OR2V1: variants seen among roughly 807,000 people sequenced by gnomAD.
The protein encoded by OR2V1 is olfactory receptor family 2 subfamily V member 1.
A neutral mutation model predicts 15.0 loss-of-function variants in OR2V1; 18 were observed. That is an observed-to-expected ratio of 1.20 (90% CI 0.83 to 1.78). The LOEUF (loss-of-function observed/expected upper bound fraction) is 1.78. Ranked by LOEUF, OR2V1 falls within the 40% of genes most tolerant of loss-of-function variation. OR2V1 has a pLI of 0.00. For synonymous variants in OR2V1, 144 were observed against 146.1 expected, an observed-to-expected ratio of 0.99 and a Z score of 0.10; for missense variants, 359 against 392.9, an observed-to-expected ratio of 0.91 and a Z score of 0.73.
rs528083565 is a variant in OR2V1, at chr5:181,124,382, C to T, written c.923G>A (p.Arg308His). 46 of 1,589,636 alleles carry T rather than the reference C, an allele frequency of 2.9e-5. No homozygotes were observed. The highest frequency in any genetic ancestry group is 7.9e-5 in the South Asian group (7 of 88,094). The change falls in exon 4 of 4, where the codon CGC becomes CAC. Residue 308 changes from arginine (R) to histidine (H), a missense_variant. Arg to His is a conservative substitution (Grantham distance 29). Transcript: ENST00000641551. The part of the protein sequence containing the change: ...VMGALRKGLD[R>H]CRIGSQH ...TCAGTGCTGGCTGCCAATCCTGCAG[C>T]GGTCCAGCCCCTTCCTCAGTGCCCC...
rs373972601 is a variant in OR2V1, at chr5:181,124,043, A to G, written c.*314T>C. 7.7e-6 allele frequency: 2 copies of G among 260,326 alleles called. No individual in the cohort carries two copies. The highest frequency in any genetic ancestry group is 2.2e-5 in the African/African-American group (1 of 45,538). The allele number at this position is 260,326 out of a possible 1,614,324, so 16.1% of individuals were successfully genotyped here. ...AAATAAAATAAAGAAAATAAAAAATAGAGTAAATTTAGTCCAAGGATGTCA... is the reference window on the plus strand; with the variant it reads ...AAATAAAATAAAGAAAATAAAAAATGGAGTAAATTTAGTCCAAGGATGTCA... On this transcript the variant is annotated 3_prime_UTR_variant, in exon 4 of 4. Transcript: ENST00000641551.
chr5:181,125,429 G>A (rs1441064739), intron 3 of OR2V1, 104 bp from the exon 4 acceptor site: 61 of 813,514 alleles, frequency 7.5e-5, no homozygotes, highest in South Asian at 1.8e-5. Context: ...GAGGACACTC[G>A]TATTCCTGTG....
Position 181,124,561 on chromosome 5 carries a change from A to G in OR2V1, c.744T>C (p.Ala248=), listed in dbSNP as rs1490503477. The change falls in exon 4 of 4, where the codon GCT becomes GCC. Residue 248 remains alanine, a synonymous_variant. Transcript: ENST00000641551. The part of the protein sequence containing the change: ...ALATCSSHLT[A]VTLFYGAAMF... ...TGGCTGCCCCATAGAAGAGGGTGAC[A>G]GCTGTTAGGTGGGAGGAGCAGGTGG... 6.2e-7 allele frequency: 1 copy of G among 1,613,286 alleles called. No homozygotes were observed. Among genetic ancestry groups the G allele is most frequent in the Admixed American group, 1.7e-5 (1 of 59,982 alleles).
intron 3 of OR2V1, among the ~76,000 whole-genome samples, chr5:181,126,417 A>AC (rs1206675323): frequency 8.8e-6 from 1 of 113,718 alleles, no homozygotes; most frequent in African/African-American, 3.2e-5. Flanking sequence ...CCTACATCAC[A>AC]CACCACACAC....
chr5:181,127,674 T>C (rs1017547195), intron 3 of OR2V1, among the ~76,000 whole-genome samples: 1 of 151,996 alleles, frequency 6.6e-6, no homozygotes, highest in Non-Finnish European at 1.5e-5. Flanking sequence ...AGGAGGGAGT[T>C]CCCGGGGTCC....
intron 1 of OR2V1, among the ~76,000 whole-genome samples, chr5:181,130,739 C>T (rs575103554): frequency 1.3e-5 from 2 of 152,282 alleles, no homozygotes; most frequent in South Asian, 2.1e-4. Context: ...GTGGGGACAG[C>T]GTGAGGAAAC....
chr5:181,125,939 T>G (rs1053585878), intron 3 of OR2V1, among the ~76,000 whole-genome samples: 7 of 152,078 alleles, frequency 4.6e-5, no homozygotes, highest in Non-Finnish European at 7.4e-5. Context: ...GAGCCGAGAT[T>G]GTGCCATTGC....
In OR2V1 at chr5:181,124,632, C is replaced by A. The variant is rs771188953; in HGVS notation, c.673G>T (p.Ala225Ser). 70 of 1,613,544 alleles carry A rather than the reference C, an allele frequency of 4.3e-5. No homozygotes were observed. Among genetic ancestry groups the A allele is most frequent in the Non-Finnish European group, 5.8e-5 (69 of 1,179,942 alleles). Residue 225 changes from alanine to serine, a missense_variant, in exon 4 of 4, where the codon GCT becomes TCT. By Grantham distance (99) the Ala-to-Ser change is moderately conservative (BLOSUM62 1). Transcript: ENST00000641551. ...IMASYACILG[A>S]VLRIRSAQAW... ...TGAGCAGAGCGTATTCGGAGCACAG[C>A]CCCTAGGATGCAAGCATAGGAGGCC...
Position 181,129,350 on chromosome 5 carries a change from G to A in OR2V1, c.-22+170C>T, listed in dbSNP as rs147492675. Among the ~76,000 whole-genome samples, 31 of 152,214 alleles carry A rather than the reference G, an allele frequency of 2.0e-4. No homozygotes were observed. The East Asian group carries it at 3.1e-3, about 15-fold the overall frequency. On this transcript the variant is annotated intron_variant, in intron 3 of 3. Coordinates refer to ENST00000641551, the MANE Select transcript of OR2V1 (RefSeq NM_001258283.2). ...GGAATTTGAGGCTGCAGTGAGCTAC[G>A]ATCACACCACTGCACTCCAGCCTGA...
rs1340692492 is a variant in OR2V1, at chr5:181,125,109, G to A, written c.196C>T (p.Gln66Ter). The change falls in exon 4 of 4, where the codon CAG becomes TAG. Residue 66 changes from glutamine to a stop codon, truncating the protein, a stop_gained. Coordinates refer to ENST00000641551, the MANE Select transcript of OR2V1 (RefSeq NM_001258283.2). LOFTEE classifies it high-confidence loss of function. ...AACATGAGGTCCATGAGGGAGAGCT[G>A]GCTGAGGAAGAAGTACATGGGGGTG... The part of the protein sequence containing the change: ...LHTPMYFFLS[Q>*]LSLMDLMLVC... The A allele has an allele frequency of 3.7e-6, 6 of 1,614,210 alleles. No individual in the cohort carries two copies. The East Asian group carries it at 1.3e-4, about 36-fold the overall frequency.
chr5:181,129,102 C>T lies in OR2V1; in HGVS notation c.-22+418G>A, dbSNP rs190932467. On this transcript the variant is annotated intron_variant, in intron 3 of 3. Transcript: ENST00000641551. ...GAAAATTAGCCAGGCTATTGTGGCA[C>T]ACATCTGTAGTCCCAGCTACTCAGG... Among the ~76,000 whole-genome samples, 200 of 152,200 alleles carry T rather than the reference C, an allele frequency of 1.3e-3. 1 individual carries two copies. Among genetic ancestry groups the T allele is most frequent in the African/African-American group, 4.2e-3 (176 of 41,532 alleles).
At chr5:181,128,523 C>T (rs760778119) in intron 3 of OR2V1, among the ~76,000 whole-genome samples, 16 of 152,214 alleles carry the variant, frequency 1.1e-4, no homozygotes, top group South Asian at 4.1e-4. Context: ...TCCACTCTCC[C>T]GGGATTCCCT....
rs1244207627 is a variant in OR2V1, at chr5:181,130,197, A to G, written c.-102T>C. 2.5e-6 allele frequency: 1 copy of G among 398,778 alleles called. No homozygotes were observed. Among genetic ancestry groups the G allele is most frequent in the Non-Finnish European group, 4.4e-6 (1 of 226,150 alleles). 24.7% of individuals were successfully genotyped at this position (398,778 alleles called of 1,614,324 possible). On this transcript the variant is annotated 5_prime_UTR_variant, in exon 2 of 4. Coordinates refer to ENST00000641551, the MANE Select transcript of OR2V1 (RefSeq NM_001258283.2). The stretch of plus-strand genomic sequence containing the variant: ...CCTGTGGGTGGGTCCCTGCAGGGGA[A>G]CAAACTCAGCAGAGTCACCTGTGGA...
chr5:181,130,235 G>A lies in OR2V1; in HGVS notation c.-120-20C>T, dbSNP rs113928945. On this transcript the variant is annotated intron_variant, in intron 1 of 3. Coordinates refer to ENST00000641551, the MANE Select transcript of OR2V1 (RefSeq NM_001258283.2). ...AGTCACCTGTGGAGGAGTTCCTAGC[G>A]TCAGAGCCATGCACTCATCCTCCTG... is the stretch of plus-strand genomic sequence containing the variant. 0.1 allele frequency: 39,981 copies of A among 397,828 alleles called. 1,951 individuals are homozygous for A. Among genetic ancestry groups the A allele is most frequent in the African/African-American group, 0.3 (14,394 of 47,974 alleles). 24.6% of individuals were successfully genotyped at this position (397,828 alleles called of 1,614,324 possible).
At chr5:181,127,152 A>G (rs1762885429) in intron 3 of OR2V1, among the ~76,000 whole-genome samples, 1 of 152,222 alleles carries the variant, frequency 6.6e-6, no homozygotes, top group African/African-American at 2.4e-5. Flanking sequence ...CCCGTCTGTG[A>G]GATCCACCAG....
At chr5:181,127,591 C>G (rs991920865) in intron 3 of OR2V1, among the ~76,000 whole-genome samples, 3 of 152,086 alleles carry the variant, frequency 2.0e-5, no homozygotes, top group African/African-American at 7.2e-5. Context: ...ATGGGCCTGC[C>G]CAGGCCCAGG....
At chr5:181,125,367 C>G in intron 3 of OR2V1, 42 bp from the exon 4 acceptor site, 2 of 1,442,892 alleles carry the variant, frequency 1.4e-6, no homozygotes, top group South Asian at 1.3e-5. Context: ...TGACATGTCT[C>G]TATTGTGCTC....
At position 181,123,255 on chromosome 5, in the gene OR2V1, A is replaced by C. The variant is rs1490944411; in HGVS notation, c.*1102T>G. 2.6e-5 allele frequency: 4 copies of C among 152,248 alleles called. No homozygotes were observed. The highest frequency in any genetic ancestry group is 9.7e-5 in the African/African-American group (4 of 41,444). The allele number at this position is 152,248 out of a possible 1,614,324, so 9.4% of individuals were successfully genotyped here. A position where few individuals can be genotyped will look rare whatever the true frequency, so the allele number is the denominator to read the frequency against. On this transcript the variant is annotated 3_prime_UTR_variant, in exon 4 of 4. Transcript: ENST00000641551. ...ATACACTGTGAACCCCCAACCTTTG[A>C]GACAGATATCAGTTAATTTAGAAAG...
Position 181,123,245 on chromosome 5 carries a change from C to G in OR2V1, c.*1112G>C, listed in dbSNP as rs1374033307. On this transcript the variant is annotated 3_prime_UTR_variant, in exon 4 of 4. Coordinates refer to ENST00000641551, the MANE Select transcript of OR2V1 (RefSeq NM_001258283.2). ...GGTACTGGTAATACACTGTGAACCC[C>G]CAACCTTTGAGACAGATATCAGTTA... The G allele has an allele frequency of 6.6e-6, 1 of 152,190 alleles. No homozygotes were observed. The highest frequency in any genetic ancestry group is 1.5e-5 in the Non-Finnish European group (1 of 68,054). 9.4% of individuals were successfully genotyped at this position (152,190 alleles called of 1,614,324 possible).
Sources: gnomAD v4.1 joint callset for allele counts (sites outside exome capture counted in the v4.1 genomes callset) on GRCh38, gnomAD v4.1.1 for gene constraint, MANE v1.5 for transcripts, NCBI Gene and HGNC (gene_info 2026-07-23, HGNC 2026-07-21) for gene names.